Variants in ARHGAP8 observed in about 807,000 individuals in gnomAD.
ARHGAP8 encodes Rho GTPase activating protein 8, also known as rho GTPase-activating protein 8.
In ARHGAP8, 62 loss-of-function variants were observed where a neutral mutation model predicts 46.1. The observed-to-expected ratio is 1.34, with a 90% CI of 1.10 to 1.66. ARHGAP8 has a LOEUF of 1.66. Among genes scored for constraint, ARHGAP8 ranks in the 40% most tolerant of loss-of-function variants. ARHGAP8 has a pLI of 0.00. For synonymous variants in ARHGAP8, 375 were observed against 243.1 expected, an observed-to-expected ratio of 1.54 and a Z score of -5.05; for missense variants, 923 against 568.4, an observed-to-expected ratio of 1.62 and a Z score of -6.34.
At chr22:44,860,887 A>T (rs1167545215) in intron 11 of ARHGAP8, among the ~76,000 whole-genome samples, 1 of 152,182 alleles carries the variant, frequency 6.6e-6, no homozygotes, top group Non-Finnish European at 1.5e-5. Flanking sequence ...GCCTGAGCAG[A>T]GTAGGCGTCA....
At chr22:44,823,031 C>T (rs1930265322) in intron 6 of ARHGAP8, among the ~76,000 whole-genome samples, 1 of 152,256 alleles carries the variant, frequency 6.6e-6, no homozygotes, top group Non-Finnish European at 1.5e-5. Context: ...AGCCTGGGTT[C>T]CCTCTGCCCC....
chr22:44,814,278 G>A, intron 4 of ARHGAP8, among the ~76,000 whole-genome samples: 1 of 152,334 alleles, frequency 6.6e-6, no homozygotes, highest in African/African-American at 2.4e-5. Flanking sequence ...AACACGGTGA[G>A]CTCCTTCTAG....
At chr22:44,859,124 C>T (rs915660534) in intron 10 of ARHGAP8, among the ~76,000 whole-genome samples, 1 of 152,108 alleles carries the variant, frequency 6.6e-6, no homozygotes, top group South Asian at 2.1e-4. Context: ...TTAGCAGCTT[C>T]CTGGAAGGTG....
rs765186417 is a variant in ARHGAP8 at position 44,849,080 on chromosome 22, C to T, written c.877+20C>T. On this transcript the variant is annotated intron_variant, in intron 10 of 11. Transcript: ENST00000356099. ...TCACCTGTGCGTAGCTGCCCTGGCG[C>T]AGGGGTGGGGGGCTTGGTCCTCAGA... 3 of 1,613,162 alleles carry T rather than the reference C, an allele frequency of 1.9e-6. No homozygotes were observed. The highest frequency in any genetic ancestry group is 2.5e-6 in the Non-Finnish European group (3 of 1,179,916).
chr22:44,797,851 A>T (rs941708031), intron 2 of ARHGAP8, among the ~76,000 whole-genome samples: 6 of 152,152 alleles, frequency 3.9e-5, no homozygotes, highest in Non-Finnish European at 5.9e-5. Flanking sequence ...TCTGTTGCCC[A>T]GGCTGCAGTG....
intron 7 of ARHGAP8, among the ~76,000 whole-genome samples, chr22:44,840,549 A>G (rs1355153516): frequency 6.6e-6 from 1 of 152,152 alleles, no homozygotes; most frequent in African/African-American, 2.4e-5. Context: ...TGGTTTATAA[A>G]CAACGGAAAT....
At chr22:44,859,690 G>C (rs767690119) in intron 10 of ARHGAP8, 41 bp from the exon 11 acceptor site, 5 of 1,605,188 alleles carry the variant, frequency 3.1e-6, no homozygotes, top group Admixed American at 1.7e-5. Flanking sequence ...CGCTGCCCCT[G>C]GCCCCTCTGG....
At chr22:44,811,407 G>A (rs1929325733) in intron 4 of ARHGAP8, among the ~76,000 whole-genome samples, 1 of 152,232 alleles carries the variant, frequency 6.6e-6, no homozygotes, top group Non-Finnish European at 1.5e-5. Flanking sequence ...CCACGCAGGT[G>A]GAGAGACTTG....
chr22:44,833,591 GTATTTA>G (rs1931103819), intron 7 of ARHGAP8, among the ~76,000 whole-genome samples: 1 of 151,972 alleles, frequency 6.6e-6, no homozygotes, highest in South Asian at 2.1e-4. Flanking sequence ...TGAGGATTTT[GTATTTA>G]TATTTATAAG....
intron 7 of ARHGAP8, among the ~76,000 whole-genome samples, chr22:44,832,522 G>A (rs139901751): frequency 1.4e-4 from 22 of 152,050 alleles, no homozygotes; most frequent in South Asian, 6.2e-4. Context: ...CACCACACCC[G>A]GTTGTCAATG....
chr22:44,839,463 TA>T (rs1380593700), intron 7 of ARHGAP8, among the ~76,000 whole-genome samples: 5 of 152,156 alleles, frequency 3.3e-5, no homozygotes. Context: ...AATCTTGGAA[TA>T]AAACTAAAGC....
chr22:44,859,685 C>T (rs765732953), intron 10 of ARHGAP8, 46 bp from the exon 11 acceptor site: 24 of 1,600,922 alleles, frequency 1.5e-5, no homozygotes, highest in East Asian at 4.5e-5. Flanking sequence ...TGCAGCGCTG[C>T]CCCTGGCCCC....
intron 1 of ARHGAP8, among the ~76,000 whole-genome samples, chr22:44,776,881 C>T (rs867908080): frequency 2.5e-4 from 38 of 152,082 alleles, no homozygotes; most frequent in African/African-American, 8.0e-4. Context: ...CCTGTATCCC[C>T]CCTGCCTCAA....
chr22:44,809,710 A>G (rs1929203741), intron 4 of ARHGAP8: 1 of 157,740 alleles, frequency 6.3e-6, no homozygotes, highest in African/African-American at 2.4e-5. Flanking sequence ...TCAACTTGGC[A>G]ATATATCTGG....
intron 1 of ARHGAP8, among the ~76,000 whole-genome samples, chr22:44,773,105 C>G (rs1428429340): frequency 6.6e-6 from 1 of 152,120 alleles, no homozygotes; most frequent in Non-Finnish European, 1.5e-5. Context: ...TGCAAGCCAC[C>G]AAGCCTGGCC....
chr22:44,808,331 A>G lies in ARHGAP8; in HGVS notation c.192A>G (p.Gln64=), dbSNP rs368556464. Residue 64 remains glutamine, a synonymous_variant, in exon 4 of 12, where the codon CAA becomes CAG. Coordinates refer to ENST00000356099, the MANE Select transcript of ARHGAP8 (RefSeq NM_181335.3). ...LLEYLKYTLD[Q]YVENDYTIVY... Reference sequence around the variant, plus strand: ...GGTATTTGAAGTACACACTGGACCAATACGTTGAGAACGATTATACCATCG... The same window carrying G: ...GGTATTTGAAGTACACACTGGACCAGTACGTTGAGAACGATTATACCATCG... The G allele has an allele frequency of 1.9e-6, 3 of 1,614,136 alleles. No homozygotes were observed. Among genetic ancestry groups the G allele is most frequent in the Admixed American group, 1.7e-5 (1 of 60,016 alleles).
intron 7 of ARHGAP8, among the ~76,000 whole-genome samples, chr22:44,829,297 G>GAA (rs71188490): frequency 1.9e-4 from 26 of 133,376 alleles, no homozygotes; most frequent in African/African-American, 5.1e-4. Flanking sequence ...TCTCAAAAAA[G>GAA]AAAAAAAAAA....
chr22:44,782,584 A>G (rs575240995), intron 1 of ARHGAP8, among the ~76,000 whole-genome samples: 5 of 151,872 alleles, frequency 3.3e-5, no homozygotes, highest in South Asian at 4.2e-4. Flanking sequence ...TGTAAATGGG[A>G]TCATACCGTG....
At chr22:44,854,950 C>T (rs1427996368) in intron 10 of ARHGAP8, among the ~76,000 whole-genome samples, 5 of 152,104 alleles carry the variant, frequency 3.3e-5, no homozygotes, top group South Asian at 2.1e-4. Context: ...CCAACCTATA[C>T]AGCTGTTTTT....
Sources: gnomAD v4.1 joint callset for allele counts (sites outside exome capture counted in the v4.1 genomes callset) on GRCh38, gnomAD v4.1.1 for gene constraint, MANE v1.5 for transcripts, NCBI Gene and HGNC (gene_info 2026-07-23, HGNC 2026-07-21) for gene names.